Variants in DLGAP1 observed in about 807,000 individuals in gnomAD.
The protein encoded by DLGAP1 is disks large-associated protein 1.
DLGAP1 carries 11 observed loss-of-function variants against 90.8 expected under a neutral mutation model. The observed-to-expected ratio is 0.12, with a 90% CI of 0.08 to 0.20. The LOEUF is 0.20. DLGAP1 is among the 10% of genes least tolerant of loss of function. DLGAP1 has a pLI of 1.00. For missense variants in DLGAP1, 1,050 were observed against 1,333.8 expected, an observed-to-expected ratio of 0.79 and a Z score of 3.31; for synonymous variants, 558 against 540.7, an observed-to-expected ratio of 1.03 and a Z score of -0.44.
chr18:3,829,098 T>C (rs1042433346), intron 4 of DLGAP1, among the ~76,000 whole-genome samples: 1 of 152,224 alleles, frequency 6.6e-6, no homozygotes, highest in Non-Finnish European at 1.5e-5. Flanking sequence ...GATGGTGCAA[T>C]GAATACAGTA....
At chr18:3,580,838 AG>A (rs1198739464) in intron 8 of DLGAP1, 79 of 1,420,618 alleles carry the variant, frequency 5.6e-5, no homozygotes, top group Admixed American at 1.4e-4. Context: ...GGAAAATAAA[AG>A]GCTCTGCCCC....
chr18:4,325,524 T>A (rs61664853), intron 1 of DLGAP1, among the ~76,000 whole-genome samples: 1 of 152,072 alleles, frequency 6.6e-6, no homozygotes, highest in East Asian at 1.9e-4. Flanking sequence ...AAAATTCATA[T>A]GAAACAAACA....
intron 1 of DLGAP1, among the ~76,000 whole-genome samples, chr18:4,236,042 A>G (rs1333561667): frequency 1.3e-5 from 2 of 151,914 alleles, no homozygotes; most frequent in African/African-American, 2.4e-5. Context: ...TTTTTTCTCT[A>G]TCTTCATGTA....
At chr18:3,574,409 T>C (rs76561214) in intron 8 of DLGAP1, among the ~76,000 whole-genome samples, 2,334 of 152,310 alleles carry the variant, frequency 0.015, 65 homozygotes, top group African/African-American at 0.054. Flanking sequence ...ATTTATAGGA[T>C]TCCTGCTGTC....
rs1215215970 is a variant in DLGAP1, at chr18:4,298,049, T to C, written c.-266-146762A>G. Among the ~76,000 whole-genome samples, 3 of 152,198 alleles carry C rather than the reference T, an allele frequency of 2.0e-5. No individual in the cohort carries two copies. In the East Asian group the frequency reaches 5.8e-4, roughly 29 times the overall value. ...GACTCTGGTGTCTTCTGTCAGTATA[T>C]GCATAAAACTGTGCAAGGCTAACCT... On this transcript the variant is annotated intron_variant, in intron 1 of 12. Transcript: ENST00000315677.
At chr18:4,163,008 G>A (rs183174536) in intron 1 of DLGAP1, among the ~76,000 whole-genome samples, 2 of 152,078 alleles carry the variant, frequency 1.3e-5, no homozygotes. Context: ...AGTCTGACTC[G>A]CCCACTGCTA....
intron 2 of DLGAP1, among the ~76,000 whole-genome samples, chr18:4,133,845 T>C (rs1210938645): frequency 6.6e-6 from 1 of 151,936 alleles, no homozygotes; most frequent in African/African-American, 2.4e-5. Context: ...TGCGTGAGGA[T>C]GGTGGCTGGT....
chr18:3,784,525 T>C (rs1004693953), intron 5 of DLGAP1, among the ~76,000 whole-genome samples: 17 of 152,354 alleles, frequency 1.1e-4, no homozygotes, highest in African/African-American at 3.4e-4. Context: ...GTCCAAATGC[T>C]GAAGACATTT....
intron 4 of DLGAP1, among the ~76,000 whole-genome samples, chr18:3,877,236 C>T (rs1048044166): frequency 3.3e-5 from 5 of 152,016 alleles, no homozygotes; most frequent in African/African-American, 4.8e-5. Context: ...CTTATCTTTC[C>T]ACTTTTCACC....
At chr18:4,117,121 A>C (rs1202312117) in intron 2 of DLGAP1, among the ~76,000 whole-genome samples, 1 of 152,198 alleles carries the variant, frequency 6.6e-6, no homozygotes, top group Non-Finnish European at 1.5e-5. Context: ...GATCACGTGA[A>C]GACAGCATGT....
At chr18:4,419,194 T>C (rs995721021) in intron 1 of DLGAP1, among the ~76,000 whole-genome samples, 1 of 152,164 alleles carries the variant, frequency 6.6e-6, no homozygotes, top group African/African-American at 2.4e-5. Context: ...AAGAAGTTTA[T>C]TTAAAACCAT....
chr18:3,574,530 T>G (rs2054994108), intron 8 of DLGAP1, among the ~76,000 whole-genome samples: 1 of 152,192 alleles, frequency 6.6e-6, no homozygotes, highest in Non-Finnish European at 1.5e-5. Context: ...ATTTCTAATT[T>G]TAATGCATCA....
At chr18:3,651,710 C>T (rs1218254596) in intron 7 of DLGAP1, among the ~76,000 whole-genome samples, 5 of 151,856 alleles carry the variant, frequency 3.3e-5, no homozygotes, top group East Asian at 1.9e-4. Context: ...CAGTGGCTCA[C>T]GCCTGTAATC....
At chr18:4,173,489 A>G (rs560612905) in intron 1 of DLGAP1, among the ~76,000 whole-genome samples, 28 of 152,308 alleles carry the variant, frequency 1.8e-4, no homozygotes, top group Non-Finnish European at 3.4e-4. Context: ...TTAAGTGTAG[A>G]AAGTGGGATG....
intron 1 of DLGAP1, among the ~76,000 whole-genome samples, chr18:4,431,309 T>C (rs955764655): frequency 1.3e-5 from 2 of 152,244 alleles, no homozygotes; most frequent in Non-Finnish European, 2.9e-5. Context: ...ATATTGGTTC[T>C]GACCTTAGTA....
At chr18:3,802,855 A>C (rs2066375644) in intron 5 of DLGAP1, among the ~76,000 whole-genome samples, 1 of 152,176 alleles carries the variant, frequency 6.6e-6, no homozygotes. Flanking sequence ...AACCTTGCTG[A>C]AGAGCTTAAG....
intron 7 of DLGAP1, among the ~76,000 whole-genome samples, chr18:3,624,535 C>A (rs1213255183): frequency 1.3e-5 from 2 of 152,176 alleles, no homozygotes; most frequent in African/African-American, 4.8e-5. Flanking sequence ...ATTTCTGCCG[C>A]GTCATTTTCT....
At chr18:4,092,854 A>C (rs565929281) in intron 2 of DLGAP1, among the ~76,000 whole-genome samples, 5 of 152,258 alleles carry the variant, frequency 3.3e-5, no homozygotes, top group African/African-American at 1.2e-4. Context: ...TTGTGCCTGC[A>C]GCTTCTGGGG....
In DLGAP1 at chr18:4,034,807, A is replaced by G. The variant is rs548583447; in HGVS notation, c.-158-29606T>C. Among the ~76,000 whole-genome samples, 4 of 152,292 alleles carry G rather than the reference A, an allele frequency of 2.6e-5. No homozygotes were observed. In the East Asian group the frequency reaches 7.7e-4, roughly 29 times the overall value. On this transcript the variant is annotated intron_variant, in intron 2 of 12. Transcript: ENST00000315677. ...CCATGAAAGAAACAAATATATTACA[A>G]GTGTAATGAATTTAGCAATTCAGTC... is the stretch of plus-strand genomic sequence containing the variant.
Sources: gnomAD v4.1 joint callset for allele counts (sites outside exome capture counted in the v4.1 genomes callset) on GRCh38, gnomAD v4.1.1 for gene constraint, MANE v1.5 for transcripts, NCBI Gene and HGNC (gene_info 2026-07-23, HGNC 2026-07-21) for gene names.